ZFPM2: variants seen among roughly 807,000 people sequenced by gnomAD.
ZFPM2 encodes zinc finger protein, FOG family member 2.
In ZFPM2, 20 loss-of-function variants were observed where a neutral mutation model predicts 98.6. The ratio of observed to expected loss-of-function variants is 0.20; its 90% confidence interval spans 0.14 to 0.29. ZFPM2 has a LOEUF of 0.29. ZFPM2 is among the 10% of genes least tolerant of loss of function. The pLI, the probability that ZFPM2 is intolerant of heterozygous loss-of-function variation, is 1.00. For missense variants in ZFPM2, 1,310 were observed against 1,388.6 expected, an observed-to-expected ratio of 0.94 and a Z score of 0.90; for synonymous variants, 518 against 502.7, an observed-to-expected ratio of 1.03 and a Z score of -0.41.
At chr8:105,508,749 TA>T (rs1301464764) in intron 3 of ZFPM2, among the ~76,000 whole-genome samples, 1 of 151,728 alleles carries the variant, frequency 6.6e-6, no homozygotes, top group African/African-American at 2.4e-5. Flanking sequence ...ATTTGTCTGA[TA>T]GGGCACAAGG....
intron 4 of ZFPM2, among the ~76,000 whole-genome samples, chr8:105,619,134 G>T (rs1464084133): frequency 6.6e-6 from 1 of 152,122 alleles, no homozygotes; most frequent in East Asian, 1.9e-4. Flanking sequence ...ATTGGAGACG[G>T]CCTCAGTGTT....
chr8:105,411,656 A>AT (rs563936212), intron 1 of ZFPM2, among the ~76,000 whole-genome samples: 4 of 151,760 alleles, frequency 2.6e-5, no homozygotes, highest in Admixed American at 6.6e-5. Flanking sequence ...ATACTTTTGT[A>AT]TTTTTTTCTT....
intron 5 of ZFPM2, among the ~76,000 whole-genome samples, chr8:105,657,559 C>CT (rs1179156983): frequency 6.6e-6 from 1 of 152,148 alleles, no homozygotes; most frequent in African/African-American, 2.4e-5. Context: ...AGCTCAACAT[C>CT]TAGCCTTCTA....
intron 5 of ZFPM2, among the ~76,000 whole-genome samples, chr8:105,658,586 CAAAAAAAAA>C (rs773181953): frequency 1.3e-4 from 1 of 7,902 alleles, no homozygotes; most frequent in Non-Finnish European, 2.0e-4. Context: ...GACTCCGTCT[CAAAAAAAAA>C]AAAAAAAAAA....
intron 3 of ZFPM2, among the ~76,000 whole-genome samples, chr8:105,463,643 C>T (rs1454831588): frequency 6.6e-6 from 1 of 151,992 alleles, no homozygotes; most frequent in African/African-American, 2.4e-5. Flanking sequence ...TTTTAGGGTT[C>T]TTCATGTGTG....
In ZFPM2 at chr8:105,804,121, A is replaced by T. The variant is rs1267162623; in HGVS notation, c.*583A>T. 1 of 152,818 alleles carries T rather than the reference A, an allele frequency of 6.5e-6. No individual in the cohort carries two copies. Among genetic ancestry groups the T allele is most frequent in the South Asian group, 2.1e-4 (1 of 4,846 alleles). 9.5% of individuals were successfully genotyped at this position (152,818 alleles called of 1,614,324 possible). On this transcript the variant is annotated 3_prime_UTR_variant, in exon 8 of 8. Transcript: ENST00000407775. ...AGGCTTTGCATTTGTATGTAGCTGT[A>T]TGTTTCCGTCCATTTTCTTAATCCT...
At chr8:105,366,411 T>G (rs1563623568) in intron 1 of ZFPM2, among the ~76,000 whole-genome samples, 1 of 152,184 alleles carries the variant, frequency 6.6e-6, no homozygotes, top group African/African-American at 2.4e-5. Flanking sequence ...AATTCTTTAT[T>G]AAAGAGATAC....
chr8:105,583,137 C>T (rs1398810104), intron 4 of ZFPM2, among the ~76,000 whole-genome samples: 1 of 152,118 alleles, frequency 6.6e-6, no homozygotes, highest in East Asian at 1.9e-4. Flanking sequence ...TTATTCCTTA[C>T]TGGGTAATAT....
At chr8:105,649,799 A>G (rs566237292) in intron 5 of ZFPM2, among the ~76,000 whole-genome samples, 2 of 152,064 alleles carry the variant, frequency 1.3e-5, no homozygotes, top group African/African-American at 4.8e-5. Flanking sequence ...TTTATTGAGG[A>G]TTTTTGCATC....
At chr8:105,410,821 T>C (rs1386646423) in intron 1 of ZFPM2, among the ~76,000 whole-genome samples, 1 of 151,856 alleles carries the variant, frequency 6.6e-6, no homozygotes, top group African/African-American at 2.4e-5. Flanking sequence ...TAGGTTCAGA[T>C]CCTTTCCTTT....
rs142797633 is a variant in ZFPM2, at chr8:105,604,032, G to A, written c.421-30214G>A. Among the ~76,000 whole-genome samples the A allele has an allele frequency of 1.6e-3, 250 of 152,032 alleles. 1 individual carries two copies. The highest frequency in any genetic ancestry group is 5.9e-3 in the African/African-American group (243 of 41,480). On this transcript the variant is annotated intron_variant, in intron 4 of 7. Coordinates refer to ENST00000407775, the MANE Select transcript of ZFPM2 (RefSeq NM_012082.4). Reference sequence around the variant, plus strand: ...TAAAGCCAAATTTAAATCCCCGCCCGAATCTCTCATCTGAGATCCAGACTC... The same window carrying A: ...TAAAGCCAAATTTAAATCCCCGCCCAAATCTCTCATCTGAGATCCAGACTC...
chr8:105,463,978 C>T (rs539306349), intron 3 of ZFPM2, among the ~76,000 whole-genome samples: 64 of 152,138 alleles, frequency 4.2e-4, no homozygotes, highest in Non-Finnish European at 8.5e-4. Context: ...ACAAAATCCC[C>T]GCCTCCCCGC....
chr8:105,516,366 G>T (rs1483979820), intron 3 of ZFPM2, among the ~76,000 whole-genome samples: 1 of 152,100 alleles, frequency 6.6e-6, no homozygotes, highest in Non-Finnish European at 1.5e-5. Context: ...GGCAGTGTGT[G>T]TGTTGGTTTT....
chr8:105,405,868 A>G (rs1811442127), intron 1 of ZFPM2, among the ~76,000 whole-genome samples: 1 of 152,256 alleles, frequency 6.6e-6, no homozygotes, highest in South Asian at 2.1e-4. Flanking sequence ...GACTTCCACA[A>G]TGGTTGAACT....
chr8:105,499,266 G>A (rs1226045972), intron 3 of ZFPM2, among the ~76,000 whole-genome samples: 22 of 149,216 alleles, frequency 1.5e-4, no homozygotes, highest in East Asian at 1.9e-4. Flanking sequence ...AAAAAAAAAA[G>A]GGTGGAGCTG....
chr8:105,760,069 GA>G (rs1473384250), intron 5 of ZFPM2, among the ~76,000 whole-genome samples: 3 of 151,918 alleles, frequency 2.0e-5, no homozygotes, highest in Non-Finnish European at 2.9e-5. Context: ...TAAGAGTGTT[GA>G]ACAATGGAAT....
chr8:105,638,474 A>G (rs566593160), intron 5 of ZFPM2, among the ~76,000 whole-genome samples: 6 of 152,236 alleles, frequency 3.9e-5, no homozygotes, highest in Non-Finnish European at 7.4e-5. Flanking sequence ...TGATGCCACA[A>G]TTGTATTTAT....
chr8:105,771,343 A>C (rs1394991487), intron 5 of ZFPM2, among the ~76,000 whole-genome samples: 1 of 152,096 alleles, frequency 6.6e-6, no homozygotes, highest in African/African-American at 2.4e-5. Flanking sequence ...ACACCATCCA[A>C]ATAACAGGAA....
At chr8:105,516,714 G>T (rs1813929837) in intron 3 of ZFPM2, among the ~76,000 whole-genome samples, 1 of 152,060 alleles carries the variant, frequency 6.6e-6, no homozygotes, top group African/African-American at 2.4e-5. Flanking sequence ...TTTGGCGAGG[G>T]TTGCTGTTCT....
Sources: allele counts gnomAD v4.1 joint callset (sites outside exome capture counted in the v4.1 genomes callset), GRCh38; gene constraint gnomAD v4.1.1; transcripts MANE v1.5; gene names NCBI Gene and HGNC (gene_info 2026-07-23, HGNC 2026-07-21).